The following KCNT2 variants were observed in gnomAD, a reference collection of about 807,000 sequenced individuals.
KCNT2 encodes the protein potassium channel subfamily T member 2.
KCNT2 carries 67 observed loss-of-function variants against 153.8 expected under a neutral mutation model. That is an observed-to-expected ratio of 0.44 (90% confidence interval 0.36 to 0.53). KCNT2 has a LOEUF of 0.53. Ranked by LOEUF, KCNT2 falls within the 20% of genes least tolerant of loss-of-function variation. The pLI, the probability that KCNT2 is intolerant of heterozygous loss-of-function variation, is 0.00. For synonymous variants in KCNT2, 500 were observed against 458.8 expected, an observed-to-expected ratio of 1.09 and a Z score of -1.15; for missense variants, 975 against 1,354.8, an observed-to-expected ratio of 0.72 and a Z score of 4.40.
At chr1:196,499,149 C>T (rs946232195) in intron 1 of KCNT2, among the ~76,000 whole-genome samples, 1 of 152,300 alleles carries the variant, frequency 6.6e-6, no homozygotes, top group South Asian at 2.1e-4. Context: ...CCTGGGACTA[C>T]TAGAACCTGG....
intron 27 of KCNT2, among the ~76,000 whole-genome samples, chr1:196,232,015 T>G (rs1157148628): frequency 6.6e-6 from 1 of 151,880 alleles, no homozygotes; most frequent in Non-Finnish European, 1.5e-5. Flanking sequence ...AAGTTTGCAC[T>G]TTTGTCTTAA....
At chr1:196,571,482 T>C (rs1384013215) in intron 1 of KCNT2, among the ~76,000 whole-genome samples, 2 of 152,128 alleles carry the variant, frequency 1.3e-5, no homozygotes, top group African/African-American at 4.8e-5. Flanking sequence ...TGTGCAATTT[T>C]TGATCTCCAA....
intron 8 of KCNT2, among the ~76,000 whole-genome samples, chr1:196,438,858 T>C (rs1022321486): frequency 4.6e-5 from 7 of 152,016 alleles, no homozygotes; most frequent in Admixed American, 2.6e-4. Context: ...AATTTTAAAA[T>C]AGTAATATTT....
At chr1:196,256,578 T>A (rs780562879) in intron 26 of KCNT2, among the ~76,000 whole-genome samples, 3 of 110,610 alleles carry the variant, frequency 2.7e-5, no homozygotes, top group Non-Finnish European at 4.6e-5. Context: ...CAACATTTCC[T>A]TATGAGTTTT....
At chr1:196,275,182 T>C (rs1220366210) in intron 25 of KCNT2, among the ~76,000 whole-genome samples, 1 of 151,906 alleles carries the variant, frequency 6.6e-6, no homozygotes, top group Admixed American at 6.6e-5. Context: ...CTGATCCTTT[T>C]TGTCCACTAA....
At chr1:196,333,766 T>C (rs545342898) in intron 17 of KCNT2, 81 bp downstream of exon 17, 3 of 788,726 alleles carry the variant, frequency 3.8e-6, no homozygotes, top group East Asian at 5.2e-5. Flanking sequence ...TCCTTACCTA[T>C]TGGGAAGGTA....
At chr1:196,429,451 T>C in intron 9 of KCNT2, 126 bp downstream of exon 9, 2 of 515,480 alleles carry the variant, frequency 3.9e-6, no homozygotes, top group Non-Finnish European at 6.8e-6. Context: ...TGATTAAATG[T>C]AATGATAGTA....
chr1:196,593,543 A>G (rs1663675655), intron 1 of KCNT2, among the ~76,000 whole-genome samples: 1 of 151,884 alleles, frequency 6.6e-6, no homozygotes. Flanking sequence ...TAACTAAAAG[A>G]GTATAATCGG....
chr1:196,435,520 A>G (rs1016575429), intron 8 of KCNT2, among the ~76,000 whole-genome samples: 1 of 151,680 alleles, frequency 6.6e-6, no homozygotes, highest in Non-Finnish European at 1.5e-5. Context: ...ATTCCAATAT[A>G]AGATATATTT....
At chr1:196,568,285 G>A (rs929359514) in intron 1 of KCNT2, among the ~76,000 whole-genome samples, 1 of 151,870 alleles carries the variant, frequency 6.6e-6, no homozygotes, top group Non-Finnish European at 1.5e-5. Flanking sequence ...CATAGGGTTC[G>A]CCCTTCTATA....
intron 8 of KCNT2, among the ~76,000 whole-genome samples, chr1:196,451,292 G>A (rs1398992983): frequency 3.8e-5 from 5 of 129,964 alleles, no homozygotes; most frequent in East Asian, 4.7e-4. Flanking sequence ...GCCCAGGCTG[G>A]AGTACAGACA....
At chr1:196,450,646 C>T (rs1033493418) in intron 8 of KCNT2, among the ~76,000 whole-genome samples, 4 of 151,770 alleles carry the variant, frequency 2.6e-5, no homozygotes, top group Admixed American at 6.6e-5. Flanking sequence ...GATTGCAAAT[C>T]CAATCACTGC....
chr1:196,257,530 C>A (rs1656621246), intron 26 of KCNT2: 1 of 950,298 alleles, frequency 1.1e-6, no homozygotes, highest in South Asian at 4.9e-5. Context: ...GACTAAATAT[C>A]TTTTTAAAGT....
At chr1:196,257,194 A>G in intron 26 of KCNT2, 1 of 966,614 alleles carries the variant, frequency 1.0e-6, no homozygotes, top group Non-Finnish European at 1.2e-6. Context: ...ATACACATAA[A>G]GCACCTAGCA....
Position 196,465,355 on chromosome 1 carries a change from CTG to C in KCNT2, c.574_575del (p.Gln192ValfsTer5). 1.9e-6 allele frequency: 3 copies of C among 1,608,510 alleles called. No individual in the cohort carries two copies. The highest frequency in any genetic ancestry group is 2.6e-6 in the Non-Finnish European group (3 of 1,175,576). On this transcript the variant is annotated frameshift_variant, in exon 8 of 28. Transcript: ENST00000294725. LOFTEE classifies it high-confidence loss of function. The stretch of plus-strand genomic sequence containing the variant: ...TCAAAACTTGATTAAACATTGCAGA[CTG>C]TGTACGCTGAATGGCTCTGTGTAGA... Reference protein sequence around the residue: ...NDLHRAIQRTQSAMFNQVLIL... With the variant: ...NDLHRAIQRTXSAMFNQVLIL...
chr1:196,463,130 G>A lies in KCNT2; in HGVS notation c.638+2163C>T, dbSNP rs371678932. 3.3e-5 allele frequency among the ~76,000 whole-genome samples: 5 copies of A among 151,828 alleles called. No homozygotes were observed. The East Asian group carries it at 9.7e-4, about 29-fold the overall frequency. ...CCAGCAGTATCAAGCTGGGGAAACA[G>A]TCTTAGACAGACTACCTAGACATTT... On this transcript the variant is annotated intron_variant, in intron 8 of 27. Coordinates refer to ENST00000294725, the MANE Select transcript of KCNT2 (RefSeq NM_198503.5).
At chr1:196,241,473 A>G (rs1172261331) in intron 26 of KCNT2, among the ~76,000 whole-genome samples, 1 of 152,074 alleles carries the variant, frequency 6.6e-6, no homozygotes, top group Non-Finnish European at 1.5e-5. Context: ...ACTGACCAGT[A>G]TATTTGGAGG....
chr1:196,565,958 G>A (rs1029584756), intron 1 of KCNT2, among the ~76,000 whole-genome samples: 1 of 151,692 alleles, frequency 6.6e-6, no homozygotes, highest in Non-Finnish European at 1.5e-5. Flanking sequence ...ATCACTGAGA[G>A]TAGATTTTAA....
chr1:196,242,250 T>G (rs1346251125), intron 26 of KCNT2, among the ~76,000 whole-genome samples: 1 of 152,124 alleles, frequency 6.6e-6, no homozygotes, highest in Non-Finnish European at 1.5e-5. Flanking sequence ...ATTCATTGCA[T>G]GTCAACTAAA....
Sources: allele counts gnomAD v4.1 joint callset (sites outside exome capture counted in the v4.1 genomes callset), GRCh38; gene constraint gnomAD v4.1.1; transcripts MANE v1.5; gene names NCBI Gene and HGNC (gene_info 2026-07-23, HGNC 2026-07-21).